SYT1: variants seen among roughly 807,000 people sequenced by gnomAD.
SYT1 encodes synaptotagmin 1.
A neutral mutation model predicts 44.8 loss-of-function variants in SYT1; 8 were observed. The observed-to-expected ratio is 0.18, with a 90% CI of 0.10 to 0.32. SYT1 has a LOEUF of 0.32. SYT1 is among the 10% of genes least tolerant of loss of function. The pLI, the probability that SYT1 is intolerant of heterozygous loss-of-function variation, is 1.00. For missense variants in SYT1, 286 were observed against 509.3 expected (o/e 0.56, Z 4.22); for synonymous variants, 154 against 188.8 (o/e 0.82, Z 1.51).
At chr12:79,138,753 C>T (rs1869361339) in intron 3 of SYT1, among the ~76,000 whole-genome samples, 1 of 152,058 alleles carries the variant, frequency 6.6e-6, no homozygotes, top group Non-Finnish European at 1.5e-5. Context: ...CTTTTTTTCC[C>T]TTTTTGTATA....
At chr12:78,938,064 A>G (rs982077915) in intron 1 of SYT1, among the ~76,000 whole-genome samples, 2 of 152,104 alleles carry the variant, frequency 1.3e-5, no homozygotes, top group African/African-American at 2.4e-5. Flanking sequence ...TCTTTGTACT[A>G]TATTTAAAAT....
intron 3 of SYT1, among the ~76,000 whole-genome samples, chr12:79,215,652 C>T (rs780271785): frequency 4.6e-5 from 7 of 152,070 alleles, no homozygotes; most frequent in African/African-American, 1.2e-4. Flanking sequence ...GCTATGATCT[C>T]GCCACTGCTC....
At chr12:78,880,370 T>G (rs1325807501) in intron 1 of SYT1, among the ~76,000 whole-genome samples, 2 of 151,670 alleles carry the variant, frequency 1.3e-5, no homozygotes, top group Non-Finnish European at 3.0e-5. Flanking sequence ...AGTCTTGTAG[T>G]ACATTTATAT....
chr12:78,892,979 C>A (rs975720430), intron 1 of SYT1, among the ~76,000 whole-genome samples: 1 of 151,814 alleles, frequency 6.6e-6, no homozygotes, highest in Non-Finnish European at 1.5e-5. Flanking sequence ...ATGGTTTGGA[C>A]TCACTCCTAA....
chr12:79,148,868 G>T (rs1870088978), intron 3 of SYT1, among the ~76,000 whole-genome samples: 1 of 151,994 alleles, frequency 6.6e-6, no homozygotes, highest in Admixed American at 6.6e-5. Context: ...ATTAAACACT[G>T]GTAATTAGTC....
At chr12:79,126,605 T>C (rs1301511594) in intron 3 of SYT1, among the ~76,000 whole-genome samples, 2 of 152,156 alleles carry the variant, frequency 1.3e-5, no homozygotes, top group African/African-American at 2.4e-5. Context: ...ATAACTCCAG[T>C]GAAATAGCGA....
intron 3 of SYT1, among the ~76,000 whole-genome samples, chr12:79,153,170 A>G (rs1870386848): frequency 1.3e-5 from 2 of 152,152 alleles, no homozygotes; most frequent in South Asian, 4.1e-4. Flanking sequence ...CTAGCCCAAG[A>G]CATAGGTATT....
At chr12:79,221,890 C>A (rs1190927379) in intron 4 of SYT1, among the ~76,000 whole-genome samples, 1 of 152,076 alleles carries the variant, frequency 6.6e-6, no homozygotes, top group Non-Finnish European at 1.5e-5. Flanking sequence ...CTTTTACCAG[C>A]AAATTTTATA....
chr12:79,083,106 A>G (rs901880018), intron 3 of SYT1, among the ~76,000 whole-genome samples: 4 of 152,170 alleles, frequency 2.6e-5, no homozygotes, highest in Non-Finnish European at 5.9e-5. Flanking sequence ...ATCCAGAAGA[A>G]AAATAGGTAA....
At chr12:79,152,203 G>C (rs1565828717) in intron 3 of SYT1, among the ~76,000 whole-genome samples, 2 of 152,092 alleles carry the variant, frequency 1.3e-5, no homozygotes. Flanking sequence ...AGATGTAGGG[G>C]GATAATGTGG....
At chr12:78,990,093 T>A (rs1351032365) in intron 2 of SYT1, among the ~76,000 whole-genome samples, 1 of 151,986 alleles carries the variant, frequency 6.6e-6, no homozygotes, top group Non-Finnish European at 1.5e-5. Context: ...AGTTTCTGGG[T>A]TTTTGTACCA....
intron 9 of SYT1, among the ~76,000 whole-genome samples, chr12:79,427,089 A>C (rs1396312887): frequency 6.6e-6 from 1 of 152,160 alleles, no homozygotes; most frequent in Non-Finnish European, 1.5e-5. Context: ...TTTATAAATT[A>C]CCCAGTCTCA....
At chr12:79,357,356 A>T (rs1883152518) in intron 9 of SYT1, among the ~76,000 whole-genome samples, 1 of 152,202 alleles carries the variant, frequency 6.6e-6, no homozygotes, top group South Asian at 2.1e-4. Flanking sequence ...AACTGCAGTC[A>T]TGTGTTGATT....
intron 4 of SYT1, among the ~76,000 whole-genome samples, chr12:79,278,032 AAGAAAAG>A (rs1329128660): frequency 6.6e-6 from 1 of 152,112 alleles, no homozygotes; most frequent in Non-Finnish European, 1.5e-5. Flanking sequence ...TACCAGACCT[AAGAAAAG>A]AGATAGACAG....
At chr12:79,366,873 A>T (rs568662134) in intron 9 of SYT1, among the ~76,000 whole-genome samples, 14 of 149,660 alleles carry the variant, frequency 9.4e-5, no homozygotes, top group African/African-American at 3.4e-4. Context: ...GTGTGTTCCT[A>T]TATGGCTGAT....
At chr12:79,426,560 C>G (rs1279003065) in intron 9 of SYT1, among the ~76,000 whole-genome samples, 2 of 152,100 alleles carry the variant, frequency 1.3e-5, no homozygotes, top group African/African-American at 4.8e-5. Flanking sequence ...TGCTAGCTAT[C>G]CAAAGCAAAT....
intron 1 of SYT1, among the ~76,000 whole-genome samples, chr12:78,881,602 CTG>C (rs1874458832): frequency 6.6e-6 from 1 of 151,628 alleles, no homozygotes; most frequent in Admixed American, 6.6e-5. Context: ...CATTTTCTAA[CTG>C]TGTTTGTAAA....
intron 2 of SYT1, among the ~76,000 whole-genome samples, chr12:79,014,055 G>A (rs1204963611): frequency 6.8e-6 from 1 of 146,504 alleles, no homozygotes; most frequent in Non-Finnish European, 1.5e-5. Flanking sequence ...AACCCAGGAG[G>A]CAAGGGTTGC....
intron 2 of SYT1, among the ~76,000 whole-genome samples, chr12:79,014,221 A>G (rs77747522): frequency 3.9e-5 from 6 of 151,998 alleles, no homozygotes; most frequent in Non-Finnish European, 7.4e-5. Flanking sequence ...ACCAGTTCAA[A>G]TATTTTCATC....
Sources: allele counts gnomAD v4.1 joint callset (sites outside exome capture counted in the v4.1 genomes callset), GRCh38; gene constraint gnomAD v4.1.1; transcripts MANE v1.5; gene names NCBI Gene and HGNC (gene_info 2026-07-23, HGNC 2026-07-21).